The following WDFY3 variants were observed in gnomAD, a reference collection of about 807,000 sequenced individuals.
WDFY3 encodes the protein WD repeat and FYVE domain containing 3.
In WDFY3, 66 loss-of-function variants were observed where a neutral mutation model predicts 409.6. That is an observed-to-expected ratio of 0.16 (90% CI 0.13 to 0.20). The LOEUF is 0.20. WDFY3 is among the 10% of genes least tolerant of loss of function. WDFY3 has a pLI of 1.00. For synonymous variants in WDFY3, 1,521 were observed against 1,537.1 expected (o/e 0.99, Z 0.25); for missense variants, 3,031 against 4,298.1 (o/e 0.71, Z 8.24).
In WDFY3 at chr4:84,736,184, T is replaced by A; in HGVS notation, c.6901A>T (p.Ser2301Cys). The A allele has an allele frequency of 2.5e-6, 4 of 1,610,736 alleles. No homozygotes were observed. Among genetic ancestry groups the A allele is most frequent in the Non-Finnish European group, 3.4e-6 (4 of 1,178,762 alleles). The change falls in exon 42 of 68, where the codon AGT (serine) becomes TGT (cysteine). Residue 2301 changes from serine (S) to cysteine (C), a missense_variant. This residue lies in a region of WDFY3 where 98 missense variants were observed against 194.9 expected (regional missense o/e 0.50). Transcript: ENST00000295888. ...TAAAAAAGTACCTGGGTGGAAAGAC[T>A]GTGTTTATTAAGACCACTTTCTTTT... ...NRKESGLNKHSLSTQEISQWM... is the reference protein window; with the variant it reads ...NRKESGLNKHCLSTQEISQWM...
In WDFY3 at chr4:84,704,459, T is replaced by C; in HGVS notation, c.8336-15A>G. ...AGGAGTTTCTCCTGTTTAAGAAAAT[T>C]AAAGCACAATTGAAACCAAAAGAAG... On this transcript the variant is annotated splice_polypyrimidine_tract_variant and intron_variant, in intron 54 of 67. Coordinates refer to ENST00000295888, the MANE Select transcript of WDFY3 (RefSeq NM_014991.6). 6.4e-7 allele frequency: 1 copy of C among 1,550,824 alleles called. No homozygotes were observed. The highest frequency in any genetic ancestry group is 8.8e-7 in the Non-Finnish European group (1 of 1,141,340).
intron 4 of WDFY3, among the ~76,000 whole-genome samples, chr4:84,850,929 T>TG (rs1758885289): frequency 1.0e-4 from 3 of 29,804 alleles, no homozygotes; most frequent in African/African-American, 4.0e-4. Flanking sequence ...TATTTATCTG[T>TG]TTTTTTTTTT....
chr4:84,849,815 C>T (rs1013632401), intron 5 of WDFY3, 87 bp downstream of exon 5: 19 of 1,545,436 alleles, frequency 1.2e-5, no homozygotes, highest in Non-Finnish European at 1.6e-5. Flanking sequence ...AGAACAAGGT[C>T]TGTTTTCCAT....
chr4:84,960,403 A>G (rs1774761165), intron 1 of WDFY3, among the ~76,000 whole-genome samples: 2 of 152,154 alleles, frequency 1.3e-5, no homozygotes, highest in Admixed American at 1.3e-4. Flanking sequence ...TACCCTATTC[A>G]ACAGTCTCTT....
At chr4:84,889,102 A>G (rs1424650014) in intron 3 of WDFY3, among the ~76,000 whole-genome samples, 1 of 152,194 alleles carries the variant, frequency 6.6e-6, no homozygotes, top group Non-Finnish European at 1.5e-5. Context: ...ATTCTCACAG[A>G]AAGTGTATCC....
At chr4:84,716,673 C>A (rs972939062) in intron 49 of WDFY3, among the ~76,000 whole-genome samples, 2 of 151,468 alleles carry the variant, frequency 1.3e-5, no homozygotes, top group African/African-American at 4.8e-5. Context: ...GTGGCGGGCG[C>A]CTATAGTCCC....
intron 1 of WDFY3, among the ~76,000 whole-genome samples, chr4:84,943,777 G>T (rs1380598927): frequency 2.0e-5 from 3 of 152,084 alleles, no homozygotes; most frequent in African/African-American, 7.2e-5. Flanking sequence ...ATAGCCTAAG[G>T]GTGATACAAT....
chr4:84,737,073 G>T, intron 41 of WDFY3, 111 bp downstream of exon 41: 3 of 1,128,178 alleles, frequency 2.7e-6, no homozygotes, highest in Non-Finnish European at 3.8e-6. Context: ...TTGATTTTAA[G>T]GATGACTTTA....
intron 29 of WDFY3, among the ~76,000 whole-genome samples, chr4:84,774,426 G>T (rs772812262): frequency 3.3e-5 from 5 of 152,214 alleles, no homozygotes; most frequent in Non-Finnish European, 7.3e-5. Context: ...GAATGACAGA[G>T]AATAAAAAAT....
intron 1 of WDFY3, among the ~76,000 whole-genome samples, chr4:84,963,373 C>A (rs1004964084): frequency 6.6e-6 from 1 of 150,940 alleles, no homozygotes; most frequent in South Asian, 2.1e-4. Context: ...TGCAGTGAGC[C>A]CAGATGATGC....
intron 55 of WDFY3, among the ~76,000 whole-genome samples, 188 bp from the exon 56 acceptor site, chr4:84,702,694 A>C (rs1731237252): frequency 6.6e-6 from 1 of 152,236 alleles, no homozygotes; most frequent in East Asian, 1.9e-4. Context: ...ATCCTTACAG[A>C]GGGTTCTCTC....
chr4:84,717,099 A>G (rs1006626005), intron 48 of WDFY3, 83 bp from the exon 49 acceptor site: 40 of 1,392,104 alleles, frequency 2.9e-5, no homozygotes, highest in Non-Finnish European at 3.8e-5. Context: ...CTAATTTTAA[A>G]CACATGAACA....
chr4:84,747,394 C>T (rs1460806213), intron 36 of WDFY3, among the ~76,000 whole-genome samples: 3 of 152,168 alleles, frequency 2.0e-5, no homozygotes, highest in Non-Finnish European at 4.4e-5. Flanking sequence ...TTTTTCCTCT[C>T]TGAGTTACTT....
chr4:84,674,142 A>T (rs1052059714), intron 67 of WDFY3, among the ~76,000 whole-genome samples: 3 of 152,236 alleles, frequency 2.0e-5, no homozygotes, highest in African/African-American at 7.2e-5. Context: ...TCAGTTTCCA[A>T]TAAAGCTTCC....
chr4:84,754,020 A>T, intron 34 of WDFY3, 144 bp from the exon 35 acceptor site: 1 of 798,650 alleles, frequency 1.3e-6, no homozygotes, highest in Non-Finnish European at 1.7e-6. Flanking sequence ...ATGAGCAAAC[A>T]CACATGTATA....
chr4:84,940,668 C>T (rs937124553), intron 1 of WDFY3, among the ~76,000 whole-genome samples: 1 of 151,782 alleles, frequency 6.6e-6, no homozygotes, highest in Non-Finnish European at 1.5e-5. Flanking sequence ...CTTCCCAAAG[C>T]CTTTTATAAG....
At chr4:84,942,547 T>C (rs1346073060) in intron 1 of WDFY3, among the ~76,000 whole-genome samples, 2 of 152,220 alleles carry the variant, frequency 1.3e-5, no homozygotes, top group Admixed American at 1.3e-4. Context: ...ATGGAATTTA[T>C]AGATCCTAAT....
chr4:84,782,899 G>C, intron 25 of WDFY3, 64 bp downstream of exon 25: 1 of 1,502,148 alleles, frequency 6.7e-7, no homozygotes, highest in African/African-American at 1.4e-5. Context: ...CTTAAGTGAG[G>C]AAAGTGAATG....
At chr4:84,795,102 A>T (rs1749157727) in intron 19 of WDFY3, 123 bp from the exon 20 acceptor site, 1 of 609,178 alleles carries the variant, frequency 1.6e-6, no homozygotes, top group South Asian at 8.4e-5. Context: ...TCATGGAATA[A>T]ATCTGGATGC....
Sources: allele counts gnomAD v4.1 joint callset (sites outside exome capture counted in the v4.1 genomes callset), GRCh38; gene constraint gnomAD v4.1.1; regional missense constraint gnomAD v4.1.1; transcripts MANE v1.5; gene names NCBI Gene and HGNC (gene_info 2026-07-23, HGNC 2026-07-21).